LSS: variants seen among roughly 807,000 people sequenced by gnomAD.
The protein encoded by LSS is 2,3-epoxysqualene-lanosterol cyclase.
LSS carries 90 observed loss-of-function variants against 110.3 expected under a neutral mutation model. That is an observed-to-expected ratio of 0.82 (90% CI 0.69 to 0.97). The LOEUF is 0.97. Ranked by LOEUF, LSS falls within the 50% of genes least tolerant of loss-of-function variation. LSS has a pLI of 0.00. For missense variants in LSS, 927 were observed against 990.0 expected (o/e 0.94, Z 0.85); for synonymous variants, 433 against 400.0 (o/e 1.08, Z -0.98).
intron 17 of LSS, among the ~76,000 whole-genome samples, chr21:46,199,522 A>G (rs976982771): frequency 3.3e-5 from 5 of 152,220 alleles, no homozygotes; most frequent in African/African-American, 4.8e-5. Context: ...CATTTACCCA[A>G]ATGAGCTGAA....
intron 11 of LSS, among the ~76,000 whole-genome samples, chr21:46,211,411 G>C (rs1044961949): frequency 9.9e-5 from 15 of 152,216 alleles, no homozygotes; most frequent in Non-Finnish European, 2.1e-4. Context: ...TTACAGGCGT[G>C]AGCCACCGCA....
chr21:46,194,554 A>G lies in LSS; in HGVS notation c.1925T>C (p.Leu642Ser), dbSNP rs1295614433. 1.9e-6 allele frequency: 3 copies of G among 1,613,872 alleles called. No individual in the cohort carries two copies. In the East Asian group the frequency reaches 6.7e-5, roughly 36 times the overall value. Residue 642 changes from leucine to serine, a missense_variant, in exon 20 of 22, where the codon TTG becomes TCG. Transcript: ENST00000397728. Reference protein sequence around the residue: ...DFESCEERRYLQSAQSQIHNT... With the variant: ...DFESCEERRYSQSAQSQIHNT... ...ATGGATCTGGGACTGGGCACTCTGC[A>G]AATAACGCCGCTCCTCGCAGGACTC...
At chr21:46,200,564 G>C (rs1190587540) in intron 17 of LSS, among the ~76,000 whole-genome samples, 1 of 139,820 alleles carries the variant, frequency 7.2e-6, no homozygotes, top group Non-Finnish European at 1.6e-5. Context: ...CGAGACACCA[G>C]AAAAAAAAAA....
chr21:46,199,854 C>T (rs1203445951), intron 17 of LSS, among the ~76,000 whole-genome samples: 1 of 152,212 alleles, frequency 6.6e-6, no homozygotes, highest in Non-Finnish European at 1.5e-5. Context: ...CTGTGTGACA[C>T]TGCAGTGGTG....
intron 4 of LSS, 164 bp from the exon 5 acceptor site, chr21:46,222,139 C>G: frequency 1.5e-6 from 1 of 674,272 alleles, no homozygotes; most frequent in South Asian, 1.9e-5. Flanking sequence ...CTCTGCAGTA[C>G]GAATTCATGC....
chr21:46,207,557 C>G lies in LSS; in HGVS notation c.1338G>C (p.Thr446=). 1 of 1,609,052 alleles carries G rather than the reference C, an allele frequency of 6.2e-7. No homozygotes were observed. The highest frequency in any genetic ancestry group is 8.5e-7 in the Non-Finnish European group (1 of 1,178,284). The change falls in exon 15 of 22, where the codon ACG becomes ACC. Residue 446 remains threonine (T), a synonymous_variant. Transcript: ENST00000397728. ...CAGAAACGATCCAGCCGCAGTCCAG[C>G]GTACTGAAGGAGAAGCCACCCTGCA... is the stretch of plus-strand genomic sequence containing the variant. ...QMRKGGFSFS[T]LDCGWIVSDC...
intron 11 of LSS, among the ~76,000 whole-genome samples, chr21:46,211,029 C>T (rs1328851601): frequency 6.6e-6 from 1 of 152,204 alleles, no homozygotes; most frequent in Non-Finnish European, 1.5e-5. Context: ...TAGGACTGGA[C>T]GATCCCTTAG....
At chr21:46,206,630 C>G in intron 16 of LSS, 42 bp downstream of exon 16, 1 of 1,548,770 alleles carries the variant, frequency 6.5e-7, no homozygotes, top group Non-Finnish European at 8.9e-7. Context: ...CAGTGCTAGC[C>G]AGCCCCGGGT....
At chr21:46,214,563 G>A (rs11701000) in intron 9 of LSS, among the ~76,000 whole-genome samples, 26,288 of 152,196 alleles carry the variant, frequency 0.17, 2,704 homozygotes, top group Non-Finnish European at 0.23. Flanking sequence ...CCACTACACC[G>A]CAGCAGCTAC....
In LSS at chr21:46,208,282, T is replaced by C. The variant is rs1226454281; in HGVS notation, c.1286A>G (p.Asp429Gly). ...RLSQVPDNPP[D>G]YQKYYRQMRK... ...CATCTGGCGGTAGTACTTCTGGTAG[T>C]CGGGAGGGTTATCTGGGACCTGGGC... Residue 429 changes from aspartate (D) to glycine (G), a missense_variant, in exon 14 of 22, where the codon GAC (aspartate) becomes GGC (glycine). Transcript: ENST00000397728. The C allele has an allele frequency of 6.4e-7, 1 of 1,552,648 alleles. No individual in the cohort carries two copies. Among genetic ancestry groups the C allele is most frequent in the East Asian group, 2.4e-5 (1 of 40,938 alleles).
rs768751763 is a variant in LSS at position 46,216,684 on chromosome 21, G to A, written c.648-160C>T. Among the ~76,000 whole-genome samples the A allele has an allele frequency of 2.0e-5, 3 of 152,120 alleles. No homozygotes were observed. Among genetic ancestry groups the A allele is most frequent in the Non-Finnish European group, 4.4e-5 (3 of 68,022 alleles). The stretch of plus-strand genomic sequence containing the variant: ...GCATTTCCCAACCGTGCTCCTGAGG[G>A]GCACAGTTGAACCATAGGTGCACCC... On this transcript the variant is annotated intron_variant, in intron 6 of 21. Transcript: ENST00000397728. This position sits in a 1 kb window ranked among gnomAD's most constrained non-coding sequence, Gnocchi z 4.2.
chr21:46,206,602 C>T (rs1318142902), intron 16 of LSS, 70 bp downstream of exon 16: 3 of 1,327,886 alleles, frequency 2.3e-6, no homozygotes, highest in African/African-American at 1.4e-5. Context: ...AAAAGCTGGC[C>T]CCCAGGTTTG....
At position 46,193,859 on chromosome 21, in the gene LSS, G is replaced by A. The variant is rs563101304; in HGVS notation, c.1988+632C>T. ...GGTGCCTGTGCATGCATACGTGTGT[G>A]CACAGACCTGTGTGTGCATCTGTCT... is the stretch of plus-strand genomic sequence containing the variant. On this transcript the variant is annotated intron_variant, in intron 20 of 21. Coordinates refer to ENST00000397728, the MANE Select transcript of LSS (RefSeq NM_002340.6). 3 of 429,820 alleles carry A rather than the reference G, an allele frequency of 7.0e-6. No homozygotes were observed. The East Asian group carries it at 2.5e-4, about 35-fold the overall frequency. 26.6% of individuals were successfully genotyped at this position (429,820 alleles called of 1,614,324 possible).
chr21:46,198,910 A>G (rs967045009), intron 17 of LSS, among the ~76,000 whole-genome samples: 1 of 151,870 alleles, frequency 6.6e-6, no homozygotes, highest in African/African-American at 2.4e-5. Flanking sequence ...TCATGGACCT[A>G]GATGTAAAAT....
chr21:46,216,338 T>C lies in LSS; in HGVS notation c.783+51A>G. On this transcript the variant is annotated intron_variant, in intron 7 of 21. Coordinates refer to ENST00000397728, the MANE Select transcript of LSS (RefSeq NM_002340.6). The surrounding 1 kb of genome is among the most constrained non-coding windows in gnomAD (Gnocchi z 4.2). ...GTTAGATTCCAGAAGCCCCAGGCCC[T>C]GTGGGTCCCAGCCCCAGAGGCCTTC... 1 of 1,611,208 alleles carries C rather than the reference T, an allele frequency of 6.2e-7. No homozygotes were observed. Among genetic ancestry groups the C allele is most frequent in the Non-Finnish European group, 8.5e-7 (1 of 1,179,120 alleles).
chr21:46,228,130 G>A (rs113065106), intron 2 of LSS, among the ~76,000 whole-genome samples: 8 of 152,368 alleles, frequency 5.3e-5, no homozygotes, highest in African/African-American at 1.7e-4. Context: ...AACTAAGACA[G>A]TGGATCCAAA....
At chr21:46,205,739 T>G in intron 17 of LSS, 97 bp downstream of exon 17, 6 of 912,488 alleles carry the variant, frequency 6.6e-6, no homozygotes, top group Non-Finnish European at 1.0e-5. Context: ...GTTTCGCTTC[T>G]GAGATGGGCC....
chr21:46,207,781 G>A (rs1293366185), intron 14 of LSS, among the ~76,000 whole-genome samples: 2 of 151,658 alleles, frequency 1.3e-5, no homozygotes, highest in Non-Finnish European at 2.9e-5. Flanking sequence ...ACCCTCAGGG[G>A]TGCAGCTCAC....
At position 46,189,926 on chromosome 21, in the gene LSS, C is replaced by G; in HGVS notation, c.*1178G>C. The G allele has an allele frequency of 2.9e-6, 1 of 348,772 alleles. No homozygotes were observed. The highest frequency in any genetic ancestry group is 5.6e-6 in the Non-Finnish European group (1 of 180,078). 21.6% of individuals were successfully genotyped at this position (348,772 alleles called of 1,614,324 possible). A position where few individuals can be genotyped will look rare whatever the true frequency, so the allele number is the denominator to read the frequency against. ...GCAAAGCCAGGACCTGAACTTCCCA[C>G]CCCAAGCCCTACATCCATGCAAGCC... is the stretch of plus-strand genomic sequence containing the variant. On this transcript the variant is annotated 3_prime_UTR_variant, in exon 22 of 22. Coordinates refer to ENST00000397728, the MANE Select transcript of LSS (RefSeq NM_002340.6).
Sources: gnomAD v4.1 joint callset for allele counts (sites outside exome capture counted in the v4.1 genomes callset) on GRCh38, gnomAD v4.1.1 for gene constraint, Gnocchi (gnomAD v3.1) non-coding constraint, MANE v1.5 for transcripts, NCBI Gene and HGNC (gene_info 2026-07-23, HGNC 2026-07-21) for gene names.